NEK5: variants seen among roughly 807,000 people sequenced by gnomAD.
NEK5 encodes serine/threonine-protein kinase Nek5.
A neutral mutation model predicts 109.2 loss-of-function variants in NEK5; 88 were observed. That is an observed-to-expected ratio of 0.81 (90% CI 0.68 to 0.96). The LOEUF is 0.96. Among genes scored for constraint, NEK5 ranks in the 40% least tolerant of loss-of-function variants. The probability of loss-of-function intolerance (pLI) is 0.00; values close to 1 mark genes in which losing one functional copy is unlikely to be tolerated. For missense variants in NEK5, 834 were observed against 920.7 expected, an observed-to-expected ratio of 0.91 and a Z score of 1.22; for synonymous variants, 283 against 299.9, an observed-to-expected ratio of 0.94 and a Z score of 0.58.
chr13:52,085,969 T>A (rs1382630103), intron 16 of NEK5, among the ~76,000 whole-genome samples: 1 of 152,172 alleles, frequency 6.6e-6, no homozygotes, highest in Admixed American at 6.5e-5. Flanking sequence ...CCAGCTCTGG[T>A]CTAAAGTTGC....
chr13:52,098,597 A>G (rs1955467428), intron 12 of NEK5, among the ~76,000 whole-genome samples: 1 of 152,196 alleles, frequency 6.6e-6, no homozygotes, highest in African/African-American at 2.4e-5. Flanking sequence ...CTAGGGAAAT[A>G]TCAATTATTA....
In NEK5 at chr13:52,086,374, A is replaced by G; in HGVS notation, c.1393-11T>C. On this transcript the variant is annotated splice_polypyrimidine_tract_variant and intron_variant, in intron 15 of 23. Transcript: ENST00000684899. Reference sequence around the variant, plus strand: ...CTGCTTCCAATATTCCTGGAAAGCAAACCCAATCCAGAAACTTTAAATGTT... The same window carrying G: ...CTGCTTCCAATATTCCTGGAAAGCAGACCCAATCCAGAAACTTTAAATGTT... 1 of 1,554,278 alleles carries G rather than the reference A, an allele frequency of 6.4e-7. No individual in the cohort carries two copies. The highest frequency in any genetic ancestry group is 1.1e-5 in the South Asian group (1 of 89,506).
intron 13 of NEK5, among the ~76,000 whole-genome samples, chr13:52,089,594 C>G (rs919297953): frequency 2.0e-5 from 3 of 152,080 alleles, no homozygotes; most frequent in African/African-American, 7.2e-5. Context: ...AGATTCAGTC[C>G]TTCCATTCTC....
intron 4 of NEK5, among the ~76,000 whole-genome samples, chr13:52,117,928 A>T (rs534022124): frequency 2.0e-5 from 3 of 152,352 alleles, no homozygotes; most frequent in South Asian, 2.1e-4. Flanking sequence ...CATTATCAGT[A>T]TCCAATGGAC....
At chr13:52,112,849 CCACTCACTAGATTA>C (rs1253682164) in intron 4 of NEK5, among the ~76,000 whole-genome samples, 1 of 152,160 alleles carries the variant, frequency 6.6e-6, no homozygotes, top group Non-Finnish European at 1.5e-5. Flanking sequence ...TCTGCCTAAA[CCACTCACTAGATTA>C]CAGGACACTC....
chr13:52,103,628 C>CA (rs1388344670), intron 9 of NEK5, among the ~76,000 whole-genome samples: 1 of 152,208 alleles, frequency 6.6e-6, no homozygotes, highest in African/African-American at 2.4e-5. Context: ...CCCTGAATGT[C>CA]AAGAGTGGCT....
At chr13:52,056,265 C>A (rs1039419569) in intron 22 of NEK5, among the ~76,000 whole-genome samples, 6 of 152,118 alleles carry the variant, frequency 3.9e-5, no homozygotes, top group South Asian at 2.1e-4. Context: ...AATATATATG[C>A]ACCCAATACA....
Position 52,110,336 on chromosome 13 carries a change from T to G in NEK5, c.467+4A>C, listed in dbSNP as rs1198731354. On this transcript the variant is annotated splice_donor_region_variant and intron_variant, in intron 7 of 23. Coordinates refer to ENST00000684899, the MANE Select transcript of NEK5 (RefSeq NM_001365552.1). ...GAAAGAAAAATTATTTTCAAAGTACTTACTTATTCAGGACTCTTGCTATAC... is the reference window on the plus strand; with the variant it reads ...GAAAGAAAAATTATTTTCAAAGTACGTACTTATTCAGGACTCTTGCTATAC... The G allele has an allele frequency of 6.3e-7, 1 of 1,593,982 alleles. No individual in the cohort carries two copies. The highest frequency in any genetic ancestry group is 2.2e-5 in the East Asian group (1 of 44,746).
intron 12 of NEK5, 41 bp from the exon 13 acceptor site, chr13:52,093,276 C>A: frequency 6.6e-7 from 1 of 1,505,920 alleles, no homozygotes; most frequent in Non-Finnish European, 9.2e-7. Flanking sequence ...AACCATAATA[C>A]AGGCTGGGTG....
chr13:52,054,825 T>G (rs1297068307), intron 22 of NEK5, among the ~76,000 whole-genome samples: 1 of 151,974 alleles, frequency 6.6e-6, no homozygotes, highest in Non-Finnish European at 1.5e-5. Flanking sequence ...AGACCAAAAG[T>G]AGATAAAACC....
At chr13:52,045,241 T>C (rs1954446882) in intron 23 of NEK5, among the ~76,000 whole-genome samples, 1 of 145,942 alleles carries the variant, frequency 6.9e-6, no homozygotes. Context: ...GCCATTCTCC[T>C]GACTCAGCCT....
At position 52,110,552 on chromosome 13, in the gene NEK5, G is replaced by A; in HGVS notation, c.338C>T (p.Ser113Phe). Residue 113 changes from serine to phenylalanine, a missense_variant, in exon 6 of 24, where the codon TCT becomes TTT. Physicochemically the swap from Ser to Phe is radical, Grantham distance 155. Around this residue, in one of 2 missense-constraint regions of NEK5, gnomAD observed 777 missense variants for 824.7 expected, o/e 0.94. Coordinates refer to ENST00000684899, the MANE Select transcript of NEK5 (RefSeq NM_001365552.1). ...GTCATGAATATGTTTTAGTCCTAGA[G>A]AAATCTGTACAAACCAACCGAGGAT... is the stretch of plus-strand genomic sequence containing the variant. ...DQILGWFVQI[S>F]LGLKHIHDRK... The A allele has an allele frequency of 1.2e-6, 2 of 1,611,848 alleles. No individual in the cohort carries two copies. Among genetic ancestry groups the A allele is most frequent in the Non-Finnish European group, 1.7e-6 (2 of 1,178,526 alleles).
At chr13:52,063,980 C>T (rs1954640970) in intron 21 of NEK5, among the ~76,000 whole-genome samples, 1 of 132,156 alleles carries the variant, frequency 7.6e-6, no homozygotes. Context: ...GCCAGCCACC[C>T]CGTCCGGGAG....
chr13:52,091,655 C>T (rs1955286466), intron 13 of NEK5, among the ~76,000 whole-genome samples: 1 of 151,668 alleles, frequency 6.6e-6, no homozygotes, highest in Non-Finnish European at 1.5e-5. Context: ...TAACCCTGAA[C>T]AAAAAAAATT....
intron 23 of NEK5, among the ~76,000 whole-genome samples, chr13:52,041,479 G>A (rs1168712343): frequency 1.3e-5 from 2 of 152,070 alleles, no homozygotes; most frequent in African/African-American, 4.8e-5. Flanking sequence ...TGTAATCCCA[G>A]CACTTTGGGA....
chr13:52,055,757 T>C (rs1018831643), intron 22 of NEK5, among the ~76,000 whole-genome samples: 18 of 151,996 alleles, frequency 1.2e-4, no homozygotes, highest in African/African-American at 4.1e-4. Flanking sequence ...CTGAGAGATT[T>C]TGTCACCACC....
chr13:52,126,408 A>C (rs1276392789), intron 3 of NEK5, among the ~76,000 whole-genome samples: 1 of 152,262 alleles, frequency 6.6e-6, no homozygotes, highest in Non-Finnish European at 1.5e-5. Flanking sequence ...TGTTCTGCAT[A>C]CTGAGGAAGA....
intron 23 of NEK5, among the ~76,000 whole-genome samples, chr13:52,037,910 G>A (rs1042671677): frequency 2.1e-5 from 3 of 140,994 alleles, no homozygotes; most frequent in South Asian, 4.5e-4. Context: ...GCGACAGAGC[G>A]AGACTCCGTC....
At chr13:52,084,720 A>T (rs1566772129) in intron 16 of NEK5, among the ~76,000 whole-genome samples, 1 of 132,952 alleles carries the variant, frequency 7.5e-6, no homozygotes, top group African/African-American at 2.8e-5. Flanking sequence ...AGAGAGAGAG[A>T]GAGAGAGAGA....
Sources: gnomAD v4.1 joint callset for allele counts (sites outside exome capture counted in the v4.1 genomes callset) on GRCh38, gnomAD v4.1.1 for gene constraint, gnomAD v4.1.1 regional missense constraint, MANE v1.5 for transcripts, NCBI Gene and HGNC (gene_info 2026-07-23, HGNC 2026-07-21) for gene names.